Variants in TBCK observed in about 807,000 individuals in gnomAD.
The protein encoded by TBCK is TBC domain-containing protein kinase-like protein.
In TBCK, 99 loss-of-function variants were observed where a neutral mutation model predicts 113.4. The ratio of observed to expected loss-of-function variants is 0.87; its 90% CI spans 0.74 to 1.03. The LOEUF is 1.03. Ranked by LOEUF, TBCK falls within the 50% of genes least tolerant of loss-of-function variation. TBCK has a pLI of 0.00. For missense variants in TBCK, 1,045 were observed against 1,061.3 expected (o/e 0.98, Z 0.21); for synonymous variants, 369 against 370.8 (o/e 1.00, Z 0.05).
intron 24 of TBCK, among the ~76,000 whole-genome samples, chr4:106,100,018 T>C (rs1013587560): frequency 2.0e-5 from 3 of 152,218 alleles, no homozygotes; most frequent in Admixed American, 6.5e-5. Flanking sequence ...ATATGTTTTC[T>C]ATCTCCTGTA....
chr4:106,242,552 C>G lies in TBCK; in HGVS notation c.1088G>C (p.Gly363Ala), dbSNP rs371959745. The change falls in exon 12 of 26, where the codon GGT becomes GCT. Residue 363 changes from glycine to alanine, a missense_variant. Gly to Ala is a moderately conservative substitution (Grantham distance 60, BLOSUM62 0). Coordinates refer to ENST00000394708, the MANE Select transcript of TBCK (RefSeq NM_001163435.3). ...CTLPNFLFED[G>A]ESFGQGRDRS... ...ATCTCGACCTTGTCCAAAGCTTTCA[C>G]CATCCTCAAAGAGAAAACTGAAAAG... The G allele has an allele frequency of 3.7e-6, 6 of 1,603,670 alleles. No homozygotes were observed. The African/African-American group carries it at 8.1e-5, about 22-fold the overall frequency.
intron 23 of TBCK, among the ~76,000 whole-genome samples, chr4:106,145,751 T>C (rs904146050): frequency 6.6e-6 from 1 of 152,174 alleles, no homozygotes; most frequent in East Asian, 1.9e-4. Context: ...GAACAGATAT[T>C]TTTCAAAACA....
chr4:106,316,361 G>T (rs574021089), upstream of TBCK: 1 of 609,744 alleles, frequency 1.6e-6, no homozygotes. Flanking sequence ...GGGGACGGGG[G>T]GGGTCGATTG....
chr4:106,111,642 C>T (rs1332108850), intron 24 of TBCK, among the ~76,000 whole-genome samples: 5 of 152,240 alleles, frequency 3.3e-5, no homozygotes, highest in African/African-American at 1.2e-4. Flanking sequence ...ACTAGCAGCC[C>T]CAACAGAGCT....
intron 22 of TBCK, among the ~76,000 whole-genome samples, chr4:106,190,476 GA>G (rs1432752423): frequency 6.6e-6 from 1 of 152,132 alleles, no homozygotes; most frequent in African/African-American, 2.4e-5. Context: ...AGCATTTCAT[GA>G]AAATATAACT....
intron 24 of TBCK, among the ~76,000 whole-genome samples, chr4:106,110,906 C>A (rs111415465): frequency 0.027 from 4,179 of 151,980 alleles, 186 homozygotes; most frequent in African/African-American, 0.096. Flanking sequence ...CTGTCTTACG[C>A]AAGCAGCATT....
chr4:106,310,310 A>C (rs1768056201), intron 1 of TBCK: 1 of 152,212 alleles, frequency 6.6e-6, no homozygotes, highest in African/African-American at 2.4e-5. Context: ...GGAAGAGTGA[A>C]GCAGAAAGAA....
intron 20 of TBCK, among the ~76,000 whole-genome samples, chr4:106,200,855 A>G (rs1754800524): frequency 6.6e-6 from 1 of 152,160 alleles, no homozygotes; most frequent in Admixed American, 6.5e-5. Flanking sequence ...AAAGTGATAA[A>G]TTAAAAGATC....
Position 106,191,778 on chromosome 4 carries a change from C to G in TBCK, c.2059+1831G>C, listed in dbSNP as rs373105128. Among the ~76,000 whole-genome samples, 11 of 152,186 alleles carry G rather than the reference C, an allele frequency of 7.2e-5. No individual in the cohort carries two copies. In the East Asian group the frequency reaches 2.1e-3, roughly 29 times the overall value. ...GTAAGAGCAATTAAGCAAAGAAACC[C>G]AATTGTACCAGCTGACACTACATCA... On this transcript the variant is annotated intron_variant, in intron 22 of 25. Coordinates refer to ENST00000394708, the MANE Select transcript of TBCK (RefSeq NM_001163435.3).
Position 106,046,639 on chromosome 4 carries a change from A to G in TBCK, c.2613T>C (p.Cys871=). 1.2e-6 allele frequency: 2 copies of G among 1,612,898 alleles called. No individual in the cohort carries two copies. Among genetic ancestry groups the G allele is most frequent in the Non-Finnish European group, 1.7e-6 (2 of 1,179,144 alleles). Residue 871 remains cysteine, a synonymous_variant, in exon 26 of 26, where the codon TGT becomes TGC. Transcript: ENST00000394708. The part of the protein sequence containing the change: ...HLVKMKYPRI[C]ILDGGINKIK... ...TTTTATTAATGCCACCATCTAGAAT[A>G]CAGATTCTTGGATATTTCATCTTCA...
At chr4:106,047,334 CTTA>C (rs775415167) in intron 25 of TBCK, among the ~76,000 whole-genome samples, 4 of 152,154 alleles carry the variant, frequency 2.6e-5, no homozygotes, top group Non-Finnish European at 5.9e-5. Flanking sequence ...ATTGCCTTTC[CTTA>C]TTCTTTGCAC....
At chr4:106,110,780 C>T (rs939994192) in intron 24 of TBCK, among the ~76,000 whole-genome samples, 4 of 152,078 alleles carry the variant, frequency 2.6e-5, no homozygotes, top group African/African-American at 4.8e-5. Context: ...TGTCACCTAC[C>T]TTACTGCCTC....
intron 23 of TBCK, among the ~76,000 whole-genome samples, chr4:106,129,826 G>A (rs1745663508): frequency 1.3e-5 from 2 of 152,150 alleles, no homozygotes; most frequent in African/African-American, 2.4e-5. Flanking sequence ...GCCCTATGTG[G>A]CAACCTGTTT....
intron 22 of TBCK, among the ~76,000 whole-genome samples, chr4:106,175,782 T>G (rs184771270): frequency 1.3e-5 from 2 of 152,266 alleles, no homozygotes; most frequent in East Asian, 3.9e-4. Flanking sequence ...TCCTTGATAT[T>G]GGGCAACATT....
intron 13 of TBCK, 40 bp from the exon 14 acceptor site, chr4:106,236,559 C>G (rs1330217743): frequency 7.2e-7 from 1 of 1,392,238 alleles, no homozygotes. Flanking sequence ...AAAAAATGGA[C>G]AAAAGGTACA....
intron 25 of TBCK, among the ~76,000 whole-genome samples, chr4:106,056,990 CAAG>C (rs1398750726): frequency 6.6e-6 from 1 of 151,718 alleles, no homozygotes; most frequent in Non-Finnish European, 1.5e-5. Flanking sequence ...GAAAGGTTAA[CAAG>C]AAGAGAAGAC....
intron 23 of TBCK, among the ~76,000 whole-genome samples, chr4:106,150,721 A>C: frequency 6.6e-6 from 1 of 152,100 alleles, no homozygotes; most frequent in East Asian, 1.9e-4. Context: ...GATAAAAGAA[A>C]CACAAAGATA....
rs1000790521 is a variant in TBCK at position 106,147,233 on chromosome 4, C to G, written c.2235+23862G>C. Among the ~76,000 whole-genome samples the G allele has an allele frequency of 3.3e-5, 5 of 152,198 alleles. No individual in the cohort carries two copies. In the East Asian group the frequency reaches 9.6e-4, roughly 29 times the overall value. On this transcript the variant is annotated intron_variant, in intron 23 of 25. Transcript: ENST00000394708. ...GATATTGTGATCTCCTTCCATGAAT[C>G]ACAACTGTTCTGAAAGGCATCTAGA...
At chr4:106,149,649 G>C (rs11097914) in intron 23 of TBCK, among the ~76,000 whole-genome samples, 27,476 of 152,028 alleles carry the variant, frequency 0.18, 2,476 homozygotes, top group South Asian at 0.25. Context: ...ACATCAAAGA[G>C]CACTGATCAC....
Sources: allele counts gnomAD v4.1 joint callset (sites outside exome capture counted in the v4.1 genomes callset), GRCh38; gene constraint gnomAD v4.1.1; transcripts MANE v1.5; gene names NCBI Gene and HGNC (gene_info 2026-07-23, HGNC 2026-07-21).